PIAS1: variants seen among roughly 807,000 people sequenced by gnomAD.
PIAS1 encodes E3 SUMO-protein ligase PIAS1.
PIAS1 carries 6 observed loss-of-function variants against 71.3 expected under a neutral mutation model. The observed-to-expected ratio is 0.08, with a 90% CI of 0.05 to 0.17. The LOEUF (loss-of-function observed/expected upper bound fraction) is 0.17. Among genes scored for constraint, PIAS1 ranks in the 10% least tolerant of loss-of-function variants. The probability of loss-of-function intolerance (pLI) is 1.00; values close to 1 mark genes in which losing one functional copy is unlikely to be tolerated. For synonymous variants in PIAS1, 303 were observed against 292.9 expected (o/e 1.03, Z -0.35); for missense variants, 555 against 793.6 (o/e 0.70, Z 3.61).
rs2092966767 is a variant in PIAS1, at chr15:68,167,822, C to G, written c.1008+3018C>G. On this transcript the variant is annotated intron_variant, in intron 8 of 13. Coordinates refer to ENST00000249636, the MANE Select transcript of PIAS1 (RefSeq NM_016166.3). The surrounding 1 kb of genome is among the most constrained non-coding windows in gnomAD (Gnocchi z 4.4). ...CCAGGTTCAAGCAATTCCTCTGCTT[C>G]AGCCTCCCAAGTAGCTAGAACTACA... 6.6e-6 allele frequency among the ~76,000 whole-genome samples: 1 copy of G among 152,114 alleles called. No individual in the cohort carries two copies. Among genetic ancestry groups the G allele is most frequent in the South Asian group, 2.1e-4 (1 of 4,826 alleles).
At chr15:68,077,600 A>G (rs2092181949) in intron 1 of PIAS1, among the ~76,000 whole-genome samples, 6 of 152,258 alleles carry the variant, frequency 3.9e-5, no homozygotes, top group Admixed American at 3.3e-4. Flanking sequence ...GGCCCAGTCA[A>G]GAAAGTTGGA....
intron 11 of PIAS1, 139 bp from the exon 12 acceptor site, chr15:68,181,073 A>G (rs2093050918): frequency 1.2e-5 from 8 of 654,426 alleles, no homozygotes; most frequent in South Asian, 5.7e-5. Context: ...TATAATCTAA[A>G]TTATACATTG....
rs1177780479 is a variant in PIAS1 at position 68,164,735 on chromosome 15, A to G, written c.939A>G (p.Lys313=). The G allele has an allele frequency of 6.3e-7, 1 of 1,582,278 alleles. No individual in the cohort carries two copies. The part of the protein sequence containing the change: ...RNPDHSRALI[K]EKLTADPDSE... ...TTCTTCTTCAATGAATATCAGTTAAAGAGAAGTTGACTGCGGATCCAGACA... is the reference window on the plus strand; with the variant it reads ...TTCTTCTTCAATGAATATCAGTTAAGGAGAAGTTGACTGCGGATCCAGACA... Residue 313 remains lysine, a synonymous_variant, in exon 8 of 14, where the codon AAA becomes AAG. Transcript: ENST00000249636.
At chr15:68,142,083 A>G in intron 3 of PIAS1, 53 bp downstream of exon 3, 4 of 1,202,632 alleles carry the variant, frequency 3.3e-6, no homozygotes, top group Non-Finnish European at 4.8e-6. Context: ...CCAGTAGTCT[A>G]TAATAAATGA....
chr15:68,149,764 A>G (rs1396703395), intron 6 of PIAS1, among the ~76,000 whole-genome samples: 5 of 152,194 alleles, frequency 3.3e-5, no homozygotes, highest in East Asian at 1.9e-4. Flanking sequence ...TGGTATTTCT[A>G]TGTTGACAGT....
At position 68,153,703 on chromosome 15, in the gene PIAS1, T is replaced by C. The variant is rs2092865765; in HGVS notation, c.934+8T>C. 1 of 1,321,414 alleles carries C rather than the reference T, an allele frequency of 7.6e-7. No homozygotes were observed. The highest frequency in any genetic ancestry group is 1.1e-6 in the Non-Finnish European group (1 of 915,118). The allele number at this position is 1,321,414 out of a possible 1,614,324, so 81.9% of individuals were successfully genotyped here. Reference sequence around the variant, plus strand: ...ATCATTCTAGAGCTTTAAGTACGTATGATAAACTTATTTCACTTATTCAGC... The same window carrying C: ...ATCATTCTAGAGCTTTAAGTACGTACGATAAACTTATTTCACTTATTCAGC... On this transcript the variant is annotated splice_region_variant and intron_variant, in intron 7 of 13. Coordinates refer to ENST00000249636, the MANE Select transcript of PIAS1 (RefSeq NM_016166.3).
chr15:68,107,227 T>C (rs992823474), intron 2 of PIAS1, among the ~76,000 whole-genome samples: 9 of 152,196 alleles, frequency 5.9e-5, no homozygotes, highest in Non-Finnish European at 1.3e-4. Flanking sequence ...AATTTATGTG[T>C]TTGTTAGGGA....
chr15:68,124,044 A>G (rs2092632837), intron 2 of PIAS1, among the ~76,000 whole-genome samples: 1 of 152,182 alleles, frequency 6.6e-6, no homozygotes, highest in Admixed American at 6.5e-5. Context: ...ATACACATGC[A>G]CAAAAAGATC....
Position 68,168,166 on chromosome 15 carries a change from G to A in PIAS1, c.1008+3362G>A, listed in dbSNP as rs185396431. On this transcript the variant is annotated intron_variant, in intron 8 of 13. Transcript: ENST00000249636. The stretch of plus-strand genomic sequence containing the variant: ...TGGTATTACAGGCGCCTGTCACCAC[G>A]CCCGGCTAATTTTTGTATTTTCAGT... Among the ~76,000 whole-genome samples the A allele has an allele frequency of 1.1e-4, 17 of 151,468 alleles. No individual in the cohort carries two copies. The East Asian group carries it at 3.1e-3, about 28-fold the overall frequency.
chr15:68,176,508 G>T lies in PIAS1; in HGVS notation c.1335G>T (p.Ala445=). The T allele has an allele frequency of 1.2e-6, 2 of 1,609,584 alleles. No homozygotes were observed. The highest frequency in any genetic ancestry group is 1.7e-6 in the Non-Finnish European group (2 of 1,178,292). Residue 445 remains alanine (A), a synonymous_variant, in exon 11 of 14, where the codon GCG becomes GCT. Coordinates refer to ENST00000249636, the MANE Select transcript of PIAS1 (RefSeq NM_016166.3). Reference sequence around the variant, plus strand: ...GCTCCACATTGGAGCATCAGGTAGCGTCTCACCACCAGTCCTCAAATAAAA... The same window carrying T: ...GCTCCACATTGGAGCATCAGGTAGCTTCTCACCACCAGTCCTCAAATAAAA... ...CLSSTLEHQV[A]SHHQSSNKNK...
intron 4 of PIAS1, among the ~76,000 whole-genome samples, chr15:68,145,443 T>G (rs190836923): frequency 2.6e-5 from 4 of 152,324 alleles, no homozygotes; most frequent in African/African-American, 9.6e-5. Context: ...AGTTCTGTAT[T>G]AAGGAAGCTT....
intron 8 of PIAS1, among the ~76,000 whole-genome samples, chr15:68,172,580 C>G (rs895054080): frequency 2.6e-5 from 4 of 152,148 alleles, no homozygotes; most frequent in African/African-American, 7.2e-5. Context: ...CCAGCACAAG[C>G]GTTTATATTT....
intron 1 of PIAS1, among the ~76,000 whole-genome samples, chr15:68,070,275 G>A (rs1252937748): frequency 6.6e-6 from 1 of 152,152 alleles, no homozygotes. Flanking sequence ...AAATGTTTAG[G>A]GGCTAATGGA....
intron 2 of PIAS1, among the ~76,000 whole-genome samples, chr15:68,097,030 T>TA (rs1262369439): frequency 6.6e-6 from 1 of 152,216 alleles, no homozygotes; most frequent in Non-Finnish European, 1.5e-5. Flanking sequence ...AATGTGATGT[T>TA]AGTGGTGGGT....
chr15:68,176,409 G>T (rs926209947), intron 10 of PIAS1, 65 bp from the exon 11 acceptor site: 72 of 1,066,754 alleles, frequency 6.7e-5, no homozygotes, highest in Non-Finnish European at 9.0e-5. Context: ...AAACTGTAGT[G>T]ACACTGAGAA....
rs890103328 is a variant in PIAS1, at chr15:68,054,651, T to G, written c.24+301T>G. 6.7e-6 allele frequency: 2 copies of G among 298,000 alleles called. No individual in the cohort carries two copies. The highest frequency in any genetic ancestry group is 1.2e-5 in the Non-Finnish European group (2 of 161,786). 18.5% of individuals were successfully genotyped at this position (298,000 alleles called of 1,614,324 possible). A position where few individuals can be genotyped will look rare whatever the true frequency, so the allele number is the denominator to read the frequency against. On this transcript the variant is annotated intron_variant, in intron 1 of 13. Coordinates refer to ENST00000249636, the MANE Select transcript of PIAS1 (RefSeq NM_016166.3). The surrounding 1 kb of genome is among the most constrained non-coding windows in gnomAD (Gnocchi z 4.6). ...GGAGGTAGGGGCTGCAGCTGTCTCATGGGCTCGGCTTTTTCACCTTCCAGT... is the reference window on the plus strand; with the variant it reads ...GGAGGTAGGGGCTGCAGCTGTCTCAGGGGCTCGGCTTTTTCACCTTCCAGT...
rs1438151050 is a variant in PIAS1, at chr15:68,171,497, C to T, written c.1009-2235C>T. Among the ~76,000 whole-genome samples the T allele has an allele frequency of 6.6e-6, 1 of 152,150 alleles. No homozygotes were observed. Among genetic ancestry groups the T allele is most frequent in the Admixed American group, 6.5e-5 (1 of 15,270 alleles). Reference sequence around the variant, plus strand: ...ATGTTATGTGGTGCTTGATTGTAATCATATGCAGGAGTGTAGAGTTGGGAG... The same window carrying T: ...ATGTTATGTGGTGCTTGATTGTAATTATATGCAGGAGTGTAGAGTTGGGAG... On this transcript the variant is annotated intron_variant, in intron 8 of 13. Transcript: ENST00000249636. The surrounding 1 kb of genome is among the most constrained non-coding windows in gnomAD (Gnocchi z 4.4).
intron 2 of PIAS1, among the ~76,000 whole-genome samples, chr15:68,128,653 CTGTTAA>C: frequency 6.6e-6 from 1 of 152,196 alleles, no homozygotes; most frequent in South Asian, 2.1e-4. Flanking sequence ...AGAACATCAT[CTGTTAA>C]AACATTCCAG....
chr15:68,104,390 T>C (rs917894355), intron 2 of PIAS1, among the ~76,000 whole-genome samples: 4 of 152,204 alleles, frequency 2.6e-5, no homozygotes, highest in Admixed American at 1.3e-4. Flanking sequence ...GTAGTTACTA[T>C]TGAAATTTTA....
Sources: allele counts gnomAD v4.1 joint callset (sites outside exome capture counted in the v4.1 genomes callset), GRCh38; gene constraint gnomAD v4.1.1; non-coding constraint Gnocchi (gnomAD v3.1); transcripts MANE v1.5; gene names NCBI Gene and HGNC (gene_info 2026-07-23, HGNC 2026-07-21).